The following ABHD17B variants were observed in gnomAD, a reference collection of about 807,000 sequenced individuals.
ABHD17B encodes abhydrolase domain containing 17B, depalmitoylase.
Under a neutral mutation model 26.2 loss-of-function variants are expected in ABHD17B, and 9 were observed. The ratio of observed to expected loss-of-function variants is 0.34; its 90% CI spans 0.21 to 0.60. The LOEUF (loss-of-function observed/expected upper bound fraction) is 0.60, where lower values mean the gene tolerates loss of function less well. ABHD17B is among the 20% of genes least tolerant of loss of function. The pLI is 0.80. For missense variants in ABHD17B, 224 were observed against 352.1 expected, an observed-to-expected ratio of 0.64 and a Z score of 2.91; for synonymous variants, 127 against 122.3, an observed-to-expected ratio of 1.04 and a Z score of -0.25.
chr9:71,874,476 A>G (rs1826202099), intron 2 of ABHD17B, 138 bp downstream of exon 2: 2 of 594,578 alleles, frequency 3.4e-6, no homozygotes, highest in African/African-American at 1.9e-5. Flanking sequence ...TAAAATATTT[A>G]TTCACAGGTA....
At chr9:71,872,533 T>TAA (rs1826142699) in intron 2 of ABHD17B, among the ~76,000 whole-genome samples, 1 of 152,180 alleles carries the variant, frequency 6.6e-6, no homozygotes, top group Non-Finnish European at 1.5e-5. Context: ...AGTGACCCTT[T>TAA]TGCGTTACTG....
At chr9:71,862,827 G>T (rs974113794), downstream of ABHD17B, among the ~76,000 whole-genome samples, 1 of 151,874 alleles carries the variant, frequency 6.6e-6, no homozygotes, top group Non-Finnish European at 1.5e-5. Flanking sequence ...TTCCATTGGA[G>T]TGCATTGGCA....
At chr9:71,875,561 G>A (rs1404952577) in intron 1 of ABHD17B, among the ~76,000 whole-genome samples, 4 of 152,074 alleles carry the variant, frequency 2.6e-5, no homozygotes, top group Non-Finnish European at 5.9e-5. Flanking sequence ...AAATCCTGGG[G>A]TGAGGCAAAT....
In ABHD17B at chr9:71,911,149, G is replaced by A. The variant is rs1032612257; in HGVS notation, c.-519C>T. Among the ~76,000 whole-genome samples, 3 of 152,162 alleles carry A rather than the reference G, an allele frequency of 2.0e-5. No homozygotes were observed. Among genetic ancestry groups the A allele is most frequent in the Non-Finnish European group, 4.4e-5 (3 of 68,024 alleles). On this transcript the variant is annotated 5_prime_UTR_variant, in exon 1 of 4. Coordinates refer to ENST00000333421, the MANE Select transcript of ABHD17B (RefSeq NM_001025780.3). ...GGGAGGAAGACTGGAGGGGAACGGA[G>A]GGGACGAGCACAATCCCCACTGAGC...
At chr9:71,892,123 T>C (rs368780577) in intron 1 of ABHD17B, among the ~76,000 whole-genome samples, 1 of 152,178 alleles carries the variant, frequency 6.6e-6, no homozygotes, top group Non-Finnish European at 1.5e-5. Flanking sequence ...TTCTAAAACT[T>C]TGTAACTAAG....
downstream of ABHD17B, among the ~76,000 whole-genome samples, chr9:71,863,587 T>C (rs1377961897): frequency 6.6e-6 from 1 of 152,202 alleles, no homozygotes; most frequent in East Asian, 1.9e-4. Flanking sequence ...AATCTGGAAT[T>C]TCTTCTGTGA....
chr9:71,892,252 G>C (rs956829997), intron 1 of ABHD17B, among the ~76,000 whole-genome samples: 4 of 151,800 alleles, frequency 2.6e-5, no homozygotes, highest in Admixed American at 2.6e-4. Flanking sequence ...AAAGCTCCTG[G>C]CCAGGCGCAG....
At chr9:71,908,419 C>G (rs1047771076) in intron 1 of ABHD17B, among the ~76,000 whole-genome samples, 3 of 145,720 alleles carry the variant, frequency 2.1e-5, no homozygotes, top group Non-Finnish European at 4.5e-5. Flanking sequence ...AAAAAGGCCA[C>G]AAACTCACCT....
At chr9:71,884,627 T>C (rs1826550528) in intron 1 of ABHD17B, among the ~76,000 whole-genome samples, 1 of 148,814 alleles carries the variant, frequency 6.7e-6, no homozygotes, top group South Asian at 2.1e-4. Flanking sequence ...GGGATGGAGG[T>C]TGAAGGGAAA....
At chr9:71,868,987 CCAAA>C (rs1438831607) in intron 3 of ABHD17B, among the ~76,000 whole-genome samples, 6 of 152,106 alleles carry the variant, frequency 3.9e-5, no homozygotes, top group African/African-American at 7.2e-5. Flanking sequence ...CTGTGCCTGG[CCAAA>C]CAGTTTATTT....
At chr9:71,864,248 C>T (rs1256844441), downstream of ABHD17B, among the ~76,000 whole-genome samples, 2 of 104,234 alleles carry the variant, frequency 1.9e-5, no homozygotes, top group Non-Finnish European at 3.5e-5. Context: ...GAGACAGAGT[C>T]TCGCTCTGTC....
In ABHD17B at chr9:71,910,801, G is replaced by A. The variant is rs1827445596; in HGVS notation, c.-171C>T. The A allele has an allele frequency of 1.3e-5, 2 of 151,832 alleles. No homozygotes were observed. Among genetic ancestry groups the A allele is most frequent in the Admixed American group, 1.3e-4 (2 of 15,276 alleles). 9.4% of individuals were successfully genotyped at this position (151,832 alleles called of 1,614,324 possible). On this transcript the variant is annotated 5_prime_UTR_variant, in exon 1 of 4. Transcript: ENST00000333421. ...AGCGGGGACCAGGGCTACAGCCCCC[G>A]GCGCCGGGGCGAAGAAGGACGGCGG...
chr9:71,898,761 G>A (rs1273447967), intron 1 of ABHD17B, among the ~76,000 whole-genome samples: 3 of 152,150 alleles, frequency 2.0e-5, no homozygotes, highest in East Asian at 3.9e-4. Context: ...ACTTTGGGAG[G>A]CCGAGGTAGG....
chr9:71,906,931 T>A (rs570374192), intron 1 of ABHD17B, among the ~76,000 whole-genome samples: 1 of 152,298 alleles, frequency 6.6e-6, no homozygotes, highest in South Asian at 2.1e-4. Context: ...TGGTGGCTAA[T>A]CTTGAATGTA....
intron 1 of ABHD17B, among the ~76,000 whole-genome samples, chr9:71,897,283 C>A (rs561105965): frequency 6.6e-6 from 1 of 151,650 alleles, no homozygotes; most frequent in Admixed American, 6.6e-5. Flanking sequence ...CTCATCCCAG[C>A]ACTTTGGGAG....
intron 1 of ABHD17B, among the ~76,000 whole-genome samples, chr9:71,902,235 A>G (rs1245577962): frequency 1.3e-5 from 2 of 152,208 alleles, no homozygotes; most frequent in Non-Finnish European, 2.9e-5. Flanking sequence ...TAATTTAGAT[A>G]ATCTCTTTAG....
intron 1 of ABHD17B, among the ~76,000 whole-genome samples, chr9:71,905,312 C>T (rs1484872231): frequency 4.6e-5 from 7 of 151,822 alleles, no homozygotes; most frequent in African/African-American, 7.3e-5. Context: ...TTAGTAGAGA[C>T]GGGGTTTCAT....
chr9:71,887,707 T>C (rs1326716481), intron 1 of ABHD17B, among the ~76,000 whole-genome samples: 1 of 152,218 alleles, frequency 6.6e-6, no homozygotes, highest in African/African-American at 2.4e-5. Context: ...TTTAAATTCA[T>C]ACTAGCTTCA....
rs115525348 is a variant in ABHD17B, at chr9:71,874,217, C to T, written c.467+397G>A. Among the ~76,000 whole-genome samples, 1,040 of 150,214 alleles carry T rather than the reference C, an allele frequency of 6.9e-3. 13 individuals are homozygous for T. The highest frequency in any genetic ancestry group is 0.024 in the African/African-American group (982 of 40,850). On this transcript the variant is annotated intron_variant, in intron 2 of 3. Coordinates refer to ENST00000333421, the MANE Select transcript of ABHD17B (RefSeq NM_001025780.3). ...TAACTTTTTAAGAGATGAGGTCTGA[C>T]GCTGTCACTCAGGCTGGAGTGCAGT... is the stretch of plus-strand genomic sequence containing the variant.
Sources: allele counts gnomAD v4.1 joint callset (sites outside exome capture counted in the v4.1 genomes callset), GRCh38; gene constraint gnomAD v4.1.1; transcripts MANE v1.5; gene names NCBI Gene and HGNC (gene_info 2026-07-23, HGNC 2026-07-21).